The following SLC25A6 variants were observed in gnomAD, a reference collection of about 807,000 sequenced individuals.
The protein encoded by SLC25A6 is ADP/ATP translocase 3.
SLC25A6 carries 9 observed loss-of-function variants against 25.7 expected under a neutral mutation model. That is an observed-to-expected ratio of 0.35 (90% confidence interval 0.21 to 0.61). SLC25A6 has a LOEUF of 0.61. Among genes scored for constraint, SLC25A6 ranks in the 20% least tolerant of loss-of-function variants. The pLI is 0.76. For missense variants in SLC25A6, 404 were observed against 440.5 expected, an observed-to-expected ratio of 0.92 and a Z score of 0.74; for synonymous variants, 223 against 197.0, an observed-to-expected ratio of 1.13 and a Z score of -1.11.
chrX:1,386,581 G>C lies in SLC25A6; in HGVS notation c.*21C>G. ...CTTGGTTCCCCTGGTGTGTGTGTGT[G>C]TGTGGAGGAGGCCGCGGCCCTTAGA... is the stretch of plus-strand genomic sequence containing the variant. On this transcript the variant is annotated 3_prime_UTR_variant, in exon 4 of 4. Coordinates refer to ENST00000381401, the MANE Select transcript of SLC25A6 (RefSeq NM_001636.4). The C allele has an allele frequency of 6.5e-7, 1 of 1,535,492 alleles. No individual in the cohort carries two copies. The highest frequency in any genetic ancestry group is 8.7e-7 in the Non-Finnish European group (1 of 1,144,732).
chrX:1,388,814 G>A (rs148860299), intron 2 of SLC25A6, among the ~76,000 whole-genome samples: 1,779 of 151,322 alleles, frequency 0.012, 28 homozygotes, highest in South Asian at 0.047. Context: ...AGGAGATGAG[G>A]ACACAGACAC....
At position 1,391,949 on chromosome X, in the gene SLC25A6, T is replaced by C. The variant is rs1219753229; in HGVS notation, c.61A>G (p.Ile21Val). 3 of 1,609,858 alleles carry C rather than the reference T, an allele frequency of 1.9e-6. No homozygotes were observed. Among genetic ancestry groups the C allele is most frequent in the Non-Finnish European group, 2.5e-6 (3 of 1,179,032 alleles). Residue 21 changes from isoleucine (I) to valine (V), a missense_variant, in exon 1 of 4, where the codon ATC becomes GTC. Ile to Val is a conservative substitution (Grantham distance 29). Coordinates refer to ENST00000381401, the MANE Select transcript of SLC25A6 (RefSeq NM_001636.4). ...DFLAGGIAAA[I>V]SKTAVAPIER... is the part of the protein sequence containing the mutation. Reference sequence around the variant, plus strand: ...ATCGGAGCCACGGCCGTCTTGGAGATGGCGGCGGCGATGCCTCCGGCCAAG... The same window carrying C: ...ATCGGAGCCACGGCCGTCTTGGAGACGGCGGCGGCGATGCCTCCGGCCAAG...
In SLC25A6 at chrX:1,391,916, C is replaced by G; in HGVS notation, c.94G>C (p.Val32Leu). 1 of 1,607,676 alleles carries G rather than the reference C, an allele frequency of 6.2e-7. No homozygotes were observed. The highest frequency in any genetic ancestry group is 8.5e-7 in the Non-Finnish European group (1 of 1,178,370). The stretch of plus-strand genomic sequence containing the variant: ...GTCCCCACCTGCAGCAGCAGCTTGA[C>G]CCGCTCGATCGGAGCCACGGCCGTC... ...SKTAVAPIERVKLLLQVQHAS... is the reference protein window; with the variant it reads ...SKTAVAPIERLKLLLQVQHAS... Residue 32 changes from valine (V) to leucine (L), a missense_variant, in exon 1 of 4, where the codon GTC becomes CTC. By Grantham distance (32) the Val-to-Leu change is conservative. Transcript: ENST00000381401.
rs2089338560 is a variant in SLC25A6 at position 1,387,324 on chromosome X, CG to C, written c.693del (p.Phe231LeufsTer8). The C allele has an allele frequency of 3.7e-6, 6 of 1,613,368 alleles. No homozygotes were observed. The highest frequency in any genetic ancestry group is 5.1e-6 in the Non-Finnish European group (6 of 1,179,792). On this transcript the variant is annotated frameshift_variant, in exon 3 of 4. Coordinates refer to ENST00000381401, the MANE Select transcript of SLC25A6 (RefSeq NM_001636.4). LOFTEE classifies it high-confidence loss of function. ...ATCATCATGCGCCGCCGCACCGTGT[CG>C]AAGGGGTAGGACACCACGCCGGCCA... Reference protein sequence around the residue: ...TAVAGVVSYPFDTVRRRMMMQ... With the variant: ...TAVAGVVSYPXDTVRRRMMMQ...
At chrX:1,391,768 C>T in intron 1 of SLC25A6, 131 bp downstream of exon 1, 3 of 656,002 alleles carry the variant, frequency 4.6e-6, no homozygotes, top group Non-Finnish European at 7.6e-6. Context: ...GCCGGCGGCG[C>T]GTGGACAAAG....
At chrX:1,391,815 G>T in intron 1 of SLC25A6, 84 bp downstream of exon 1, 3 of 1,078,974 alleles carry the variant, frequency 2.8e-6, no homozygotes, top group Non-Finnish European at 4.0e-6. Flanking sequence ...CCGCCTGCAA[G>T]GCTCTGCTGC....
intron 3 of SLC25A6, 71 bp from the exon 4 acceptor site, chrX:1,386,830 C>T (rs2089331428): frequency 5.3e-6 from 8 of 1,522,292 alleles, no homozygotes; most frequent in Admixed American, 4.1e-5. Flanking sequence ...CCTGCACCCA[C>T]AAAGACGTTT....
At chrX:1,391,817 C>A (rs1475911505) in intron 1 of SLC25A6, 82 bp downstream of exon 1, 18 of 1,107,842 alleles carry the variant, frequency 1.6e-5, no homozygotes, top group Non-Finnish European at 1.8e-5. Flanking sequence ...GCCTGCAAGG[C>A]TCTGCTGCCC....
intron 1 of SLC25A6, among the ~76,000 whole-genome samples, 156 bp from the exon 2 acceptor site, chrX:1,389,883 G>C (rs1246007285): frequency 6.6e-6 from 1 of 151,980 alleles, no homozygotes; most frequent in Non-Finnish European, 1.5e-5. Flanking sequence ...TCAGCCTCCC[G>C]AGTAGCTGGG....
chrX:1,389,816 A>G, intron 1 of SLC25A6, 89 bp from the exon 2 acceptor site: 1 of 1,550,538 alleles, frequency 6.4e-7, no homozygotes, highest in Non-Finnish European at 8.7e-7. Flanking sequence ...TTTTGACACA[A>G]GTCACTCTTG....
intron 2 of SLC25A6, among the ~76,000 whole-genome samples, chrX:1,388,490 A>G (rs1278038669): frequency 1.3e-5 from 2 of 151,796 alleles, no homozygotes; most frequent in Non-Finnish European, 2.9e-5. Flanking sequence ...AGCCTCCAGG[A>G]CTGTGGGAGA....
chrX:1,389,287 G>A lies in SLC25A6; in HGVS notation c.552C>T (p.Ile184=). The change falls in exon 2 of 4, where the codon ATC becomes ATT. Residue 184 remains isoleucine (I), a synonymous_variant. Transcript: ENST00000381401. ...YQGFSVSVQG[I]IIYRAAYFGV... ...CGAAGTAGGCCGCCCGGTAGATGAT[G>A]ATGCCCTGCACGGAGACACTGAAGC... 9.3e-6 allele frequency: 15 copies of A among 1,613,912 alleles called. No homozygotes were observed. Among genetic ancestry groups the A allele is most frequent in the Non-Finnish European group, 1.3e-5 (15 of 1,179,862 alleles).
rs2089376036 is a variant in SLC25A6 at position 1,389,664 on chromosome X, C to T, written c.175G>A (p.Val59Ile). 6.2e-7 allele frequency: 1 copy of T among 1,613,938 alleles called. No individual in the cohort carries two copies. Among genetic ancestry groups the T allele is most frequent in the Non-Finnish European group, 8.5e-7 (1 of 1,179,958 alleles). Residue 59 changes from valine (V) to isoleucine (I), a missense_variant, in exon 2 of 4, where the codon GTC (valine) becomes ATC (isoleucine). Physicochemically the swap from Val to Ile is conservative, Grantham distance 29. Transcript: ENST00000381401. ...KQYKGIVDCI[V>I]RIPKEQGVLS... Reference sequence around the variant, plus strand: ...ACGCCCTGCTCCTTGGGGATGCGGACAATGCAGTCCACGATGCCCTTGTAC... The same window carrying T: ...ACGCCCTGCTCCTTGGGGATGCGGATAATGCAGTCCACGATGCCCTTGTAC...
chrX:1,388,655 CT>C (rs2149239618), intron 2 of SLC25A6, among the ~76,000 whole-genome samples: 1 of 152,116 alleles, frequency 6.6e-6, no homozygotes, highest in South Asian at 2.1e-4. Flanking sequence ...GGAGAGAGGC[CT>C]CAGGAGGAAC....
In SLC25A6 at chrX:1,386,718, T is replaced by C. The variant is rs1188980734; in HGVS notation, c.781A>G (p.Ile261Val). 3 of 1,612,336 alleles carry C rather than the reference T, an allele frequency of 1.9e-6. No individual in the cohort carries two copies. Among genetic ancestry groups the C allele is most frequent in the African/African-American group, 2.7e-5 (2 of 74,790 alleles). ...GCCTTGCCCCCCTCATCTCTGAAGATCTTCCTCCAACAGTCGACGGTGCCC... is the reference window on the plus strand; with the variant it reads ...GCCTTGCCCCCCTCATCTCTGAAGACCTTCCTCCAACAGTCGACGGTGCCC... Reference protein sequence around the residue: ...YTGTVDCWRKIFRDEGGKAFF... With the variant: ...YTGTVDCWRKVFRDEGGKAFF... Residue 261 changes from isoleucine to valine, a missense_variant, in exon 4 of 4, where the codon ATC becomes GTC. Transcript: ENST00000381401.
Position 1,389,697 on chromosome X carries a change from C to T in SLC25A6, c.142G>A (p.Asp48Asn), listed in dbSNP as rs372524564. The change falls in exon 2 of 4, where the codon GAC becomes AAC. Residue 48 changes from aspartate (D) to asparagine (N), a missense_variant. By Grantham distance (23) the Asp-to-Asn change is conservative. Transcript: ENST00000381401. ...VQHASKQIAA[D>N]KQYKGIVDCI... The stretch of plus-strand genomic sequence containing the variant: ...TCCACGATGCCCTTGTACTGCTTGT[C>T]GGCGGCGATCTGCTTGCTGGCGTGC... 123 of 1,613,120 alleles carry T rather than the reference C, an allele frequency of 7.6e-5. 1 individual carries two copies. In the South Asian group the frequency reaches 1.1e-3, roughly 14 times the overall value.
chrX:1,386,907 C>T (rs778687963), intron 3 of SLC25A6, 148 bp from the exon 4 acceptor site: 1 of 998,372 alleles, frequency 1.0e-6, no homozygotes, highest in South Asian at 1.6e-5. Context: ...TGAGGCTCCC[C>T]CAGCTCAAGC....
chrX:1,389,856 C>G, intron 1 of SLC25A6, 129 bp from the exon 2 acceptor site: 1 of 1,464,450 alleles, frequency 6.8e-7, no homozygotes, highest in Non-Finnish European at 9.2e-7. Flanking sequence ...ATGGGGTGAT[C>G]AAGTGATTCT....
intron 1 of SLC25A6, among the ~76,000 whole-genome samples, 187 bp downstream of exon 1, chrX:1,391,712 C>G (rs2089415032): frequency 6.6e-6 from 1 of 152,248 alleles, no homozygotes; most frequent in Non-Finnish European, 1.5e-5. Context: ...CACGCGTGGA[C>G]GTCGCCACGC....
Sources: allele counts gnomAD v4.1 joint callset (sites outside exome capture counted in the v4.1 genomes callset), GRCh38; gene constraint gnomAD v4.1.1; transcripts MANE v1.5; gene names NCBI Gene and HGNC (gene_info 2026-07-23, HGNC 2026-07-21).